The following PDLIM5 variants were observed in gnomAD, a reference collection of about 807,000 sequenced individuals.
The protein encoded by PDLIM5 is PDZ and LIM domain protein 5.
Under a neutral mutation model 64.2 loss-of-function variants are expected in PDLIM5, and 34 were observed. The observed-to-expected ratio is 0.53, with a 90% CI of 0.40 to 0.71. PDLIM5 has a LOEUF of 0.71. PDLIM5 is among the 30% of genes least tolerant of loss of function. PDLIM5 has a pLI of 0.00. For missense variants in PDLIM5, 683 were observed against 733.6 expected (o/e 0.93, Z 0.80); for synonymous variants, 253 against 269.1 (o/e 0.94, Z 0.59).
chr4:94,555,925 C>T (rs1291756375), intron 3 of PDLIM5, among the ~76,000 whole-genome samples: 2 of 151,106 alleles, frequency 1.3e-5, no homozygotes, highest in Non-Finnish European at 2.9e-5. Context: ...TTTTATTATA[C>T]TTTAAGTTCT....
At chr4:94,476,797 A>G (rs976785332) in intron 2 of PDLIM5, among the ~76,000 whole-genome samples, 15 of 152,170 alleles carry the variant, frequency 9.9e-5, no homozygotes, top group Non-Finnish European at 2.2e-4. Flanking sequence ...AAATCGCAGT[A>G]GGGACACTTT....
rs70946537 is a variant in PDLIM5 at position 94,588,563 on chromosome 4, C to CTAAATAAATAAATAAA, written c.920+2147_920+2162dup. 5.5e-5 allele frequency among the ~76,000 whole-genome samples: 8 copies of CTAAATAAATAAATAAA among 145,978 alleles called. No homozygotes were observed. In the East Asian group the frequency reaches 8.1e-4, roughly 15 times the overall value. On this transcript the variant is annotated intron_variant, in intron 7 of 12. Transcript: ENST00000317968. ...GGGCAACAAGAGCGAAACTCCATCT[C>CTAAATAAATAAATAAA]TAAATAAATAAATAAATAAATAAAT...
At chr4:94,604,040 T>C (rs1460653406) in intron 7 of PDLIM5, among the ~76,000 whole-genome samples, 1 of 152,094 alleles carries the variant, frequency 6.6e-6, no homozygotes, top group Admixed American at 6.5e-5. Context: ...ATCTGGACAT[T>C]AGGTGGTGTT....
chr4:94,580,422 A>G (rs1486886141), intron 5 of PDLIM5, among the ~76,000 whole-genome samples: 9 of 152,078 alleles, frequency 5.9e-5, no homozygotes, highest in East Asian at 1.9e-4. Flanking sequence ...TATGTTTTTT[A>G]TATATAGGAA....
intron 2 of PDLIM5, among the ~76,000 whole-genome samples, chr4:94,477,512 T>C (rs1007473037): frequency 5.3e-5 from 8 of 152,206 alleles, no homozygotes; most frequent in African/African-American, 1.9e-4. Flanking sequence ...CCTTTTTGAC[T>C]TCTCTTCATG....
Position 94,662,473 on chromosome 4 carries a change from A to C in PDLIM5, c.1637A>C (p.Glu546Ala). The C allele has an allele frequency of 6.2e-7, 1 of 1,608,320 alleles. No individual in the cohort carries two copies. Among genetic ancestry groups the C allele is most frequent in the East Asian group, 2.2e-5 (1 of 44,812 alleles). The change falls in exon 12 of 13, where the codon GAA becomes GCA. Residue 546 changes from glutamate to alanine, a missense_variant. Physicochemically the swap from Glu to Ala is moderately radical, Grantham distance 107 (BLOSUM62 -1). Transcript: ENST00000317968. ...TGCCATGGATGTGAATTTCCCATAG[A>C]AGCTGGTGACATGTTCCTGGAAGCT... ...TICHGCEFPI[E>A]AGDMFLEALG... is the part of the protein sequence containing the mutation.
At chr4:94,532,006 A>G (rs1450456755) in intron 3 of PDLIM5, among the ~76,000 whole-genome samples, 3 of 152,074 alleles carry the variant, frequency 2.0e-5, no homozygotes, top group Non-Finnish European at 4.4e-5. Flanking sequence ...ACTTGTGTAT[A>G]TGGTTTCCCA....
At chr4:94,476,984 A>G (rs1257227986) in intron 2 of PDLIM5, among the ~76,000 whole-genome samples, 1 of 152,202 alleles carries the variant, frequency 6.6e-6, no homozygotes, top group Non-Finnish European at 1.5e-5. Flanking sequence ...AACTGTTTTT[A>G]ATGTTAGTAT....
Position 94,563,916 on chromosome 4 carries a change from G to A in PDLIM5, c.249-9435G>A, listed in dbSNP as rs1193337369. On this transcript the variant is annotated intron_variant, in intron 3 of 12. Transcript: ENST00000317968. ...GGATTTAATCTTCTTCCAAAATGAA[G>A]TACTGCATTTAGCAATTTTTCTTTT... is the stretch of plus-strand genomic sequence containing the variant. Among the ~76,000 whole-genome samples the A allele has an allele frequency of 2.0e-5, 3 of 148,002 alleles. No homozygotes were observed. In the South Asian group the frequency reaches 6.5e-4, roughly 32 times the overall value.
At chr4:94,662,790 A>C (rs1056535321) in intron 12 of PDLIM5, among the ~76,000 whole-genome samples, 8 of 150,468 alleles carry the variant, frequency 5.3e-5, no homozygotes, top group African/African-American at 2.0e-4. Flanking sequence ...AGGAGAAGCT[A>C]TGTATTTCTT....
At chr4:94,466,917 A>G (rs530609533) in intron 2 of PDLIM5, among the ~76,000 whole-genome samples, 1 of 152,240 alleles carries the variant, frequency 6.6e-6, no homozygotes, top group Non-Finnish European at 1.5e-5. Context: ...TAGATTTACC[A>G]GAGACTTACA....
At chr4:94,587,885 T>G (rs890223388) in intron 7 of PDLIM5, 1 of 887,170 alleles carries the variant, frequency 1.1e-6, no homozygotes, top group Non-Finnish European at 1.4e-6. Flanking sequence ...CAGAAGAACA[T>G]AAAATAAATT....
In PDLIM5 at chr4:94,625,516, T is replaced by G. The variant is rs542605078; in HGVS notation, c.1108+7325T>G. Among the ~76,000 whole-genome samples, 45 of 151,778 alleles carry G rather than the reference T, an allele frequency of 3.0e-4. 1 individual carries two copies. The highest frequency in any genetic ancestry group is 8.9e-4 in the African/African-American group (37 of 41,402). On this transcript the variant is annotated intron_variant, in intron 8 of 12. Transcript: ENST00000317968. ...TGCCCAGGCTGGAGTGCAGTGGCGCTATTTAGGCTCACTGCAAGCTCCACC... is the reference window on the plus strand; with the variant it reads ...TGCCCAGGCTGGAGTGCAGTGGCGCGATTTAGGCTCACTGCAAGCTCCACC...
At chr4:94,564,758 C>A (rs954997518) in intron 3 of PDLIM5, among the ~76,000 whole-genome samples, 3 of 148,178 alleles carry the variant, frequency 2.0e-5, no homozygotes, top group African/African-American at 7.6e-5. Flanking sequence ...TGGGTTCAAG[C>A]GATTCTCCTG....
At chr4:94,510,746 A>G (rs567424656) in intron 2 of PDLIM5, among the ~76,000 whole-genome samples, 5 of 152,182 alleles carry the variant, frequency 3.3e-5, no homozygotes, top group African/African-American at 1.2e-4. Flanking sequence ...AGTGGCTCAC[A>G]CCTGTAATCC....
chr4:94,579,550 AT>A, intron 5 of PDLIM5: 1 of 1,363,874 alleles, frequency 7.3e-7, no homozygotes, highest in Non-Finnish European at 1.0e-6. Context: ...TAGTATCCAC[AT>A]TACTGGAGAG....
chr4:94,489,324 CACA>C (rs1204503189), intron 2 of PDLIM5, among the ~76,000 whole-genome samples: 2 of 152,080 alleles, frequency 1.3e-5, no homozygotes, highest in Non-Finnish European at 2.9e-5. Context: ...TCTTAGGTTA[CACA>C]ACATGCAGTT....
At chr4:94,637,956 C>T (rs887558445) in intron 8 of PDLIM5, among the ~76,000 whole-genome samples, 1 of 152,140 alleles carries the variant, frequency 6.6e-6, no homozygotes, top group African/African-American at 2.4e-5. Flanking sequence ...GAGAAAGAAA[C>T]ATTTTCTATG....
chr4:94,653,121 G>C (rs140344720), intron 9 of PDLIM5, among the ~76,000 whole-genome samples: 3 of 151,976 alleles, frequency 2.0e-5, no homozygotes, highest in Non-Finnish European at 2.9e-5. Context: ...CCATGTGGTC[G>C]CTTAGGGATG....
Sources: allele counts gnomAD v4.1 joint callset (sites outside exome capture counted in the v4.1 genomes callset), GRCh38; gene constraint gnomAD v4.1.1; transcripts MANE v1.5; gene names NCBI Gene and HGNC (gene_info 2026-07-23, HGNC 2026-07-21).